The following NTM variants were observed in gnomAD, a reference collection of about 807,000 sequenced individuals.
The protein encoded by NTM is neurotrimin.
A neutral mutation model predicts 42.1 loss-of-function variants in NTM; 13 were observed. The observed-to-expected ratio is 0.31, with a 90% CI of 0.20 to 0.49. The LOEUF (loss-of-function observed/expected upper bound fraction) is 0.49. Ranked by LOEUF, NTM falls within the 20% of genes least tolerant of loss-of-function variation. NTM has a pLI of 0.99. For missense variants in NTM, 373 were observed against 452.8 expected, an observed-to-expected ratio of 0.82 and a Z score of 1.60; for synonymous variants, 187 against 179.2, an observed-to-expected ratio of 1.04 and a Z score of -0.35.
intron 4 of NTM, among the ~76,000 whole-genome samples, chr11:132,278,703 TCTC>T (rs891019134): frequency 5.3e-5 from 8 of 151,804 alleles, no homozygotes; most frequent in Admixed American, 4.6e-4. Flanking sequence ...GCTTTACAGT[TCTC>T]CTCCTTTGGA....
intron 1 of NTM, among the ~76,000 whole-genome samples, chr11:131,755,612 A>C (rs891485551): frequency 3.3e-5 from 5 of 152,214 alleles, no homozygotes; most frequent in Non-Finnish European, 5.9e-5. Context: ...CTGTATTTTT[A>C]TTTCCAAAAC....
At chr11:132,123,351 G>A (rs778395311) in intron 2 of NTM, among the ~76,000 whole-genome samples, 11 of 152,288 alleles carry the variant, frequency 7.2e-5, no homozygotes, top group African/African-American at 1.9e-4. Flanking sequence ...GTAAACCTAC[G>A]TGCTTTCTAC....
chr11:131,467,241 C>T (rs1271599588), intron 1 of NTM, among the ~76,000 whole-genome samples: 1 of 152,016 alleles, frequency 6.6e-6, no homozygotes, highest in Non-Finnish European at 1.5e-5. Flanking sequence ...GAGAGGGATC[C>T]CAGGAGGAAA....
Position 131,600,600 on chromosome 11 carries a change from C to G in NTM, c.82+229712C>G, listed in dbSNP as rs540568940. Among the ~76,000 whole-genome samples, 38 of 152,326 alleles carry G rather than the reference C, an allele frequency of 2.5e-4. No individual in the cohort carries two copies. The South Asian group carries it at 6.0e-3, about 24-fold the overall frequency. ...CAGCCATGCTATTGCTTTGCATTTA[C>G]CGTTCCTCTGCCAAAGAAATTTTAA... On this transcript the variant is annotated intron_variant, in intron 1 of 8. Transcript: ENST00000683400.
intron 1 of NTM, among the ~76,000 whole-genome samples, chr11:131,498,997 C>G (rs1322075075): frequency 3.3e-5 from 5 of 152,140 alleles, no homozygotes; most frequent in Admixed American, 6.5e-5. Flanking sequence ...GGCAGCATCA[C>G]TTGGCCAAGC....
At chr11:131,920,730 T>TA (rs1312828474) in intron 2 of NTM, among the ~76,000 whole-genome samples, 12 of 152,178 alleles carry the variant, frequency 7.9e-5, no homozygotes, top group Non-Finnish European at 1.5e-4. Flanking sequence ...GAACTAATCT[T>TA]ACAATCTTGC....
At chr11:131,687,148 C>G (rs577777248) in intron 1 of NTM, among the ~76,000 whole-genome samples, 6 of 152,216 alleles carry the variant, frequency 3.9e-5, no homozygotes, top group Non-Finnish European at 8.8e-5. Context: ...TCATGCAATG[C>G]TTCCCACTGC....
chr11:131,739,147 C>T (rs949832050), intron 1 of NTM, among the ~76,000 whole-genome samples: 2 of 152,014 alleles, frequency 1.3e-5, no homozygotes, highest in Admixed American at 1.3e-4. Context: ...AAAGTGTTAC[C>T]CTCTAAATCC....
chr11:131,987,566 G>A (rs1399212580), intron 2 of NTM, among the ~76,000 whole-genome samples: 1 of 152,156 alleles, frequency 6.6e-6, no homozygotes, highest in African/African-American at 2.4e-5. Flanking sequence ...GTGAGGAAAA[G>A]AACTGAAGAT....
chr11:132,172,842 T>C (rs377160190), intron 3 of NTM, among the ~76,000 whole-genome samples: 1 of 152,228 alleles, frequency 6.6e-6, no homozygotes, highest in East Asian at 1.9e-4. Flanking sequence ...TTTGTTTCGA[T>C]CGCTTTTGCC....
chr11:131,765,488 C>G (rs2084957269), intron 1 of NTM, among the ~76,000 whole-genome samples: 1 of 152,150 alleles, frequency 6.6e-6, no homozygotes, highest in African/African-American at 2.4e-5. Context: ...ATCTTATCCG[C>G]TTATGTATAA....
chr11:131,528,919 T>G (rs2050865672), intron 1 of NTM, among the ~76,000 whole-genome samples: 1 of 152,222 alleles, frequency 6.6e-6, no homozygotes, highest in African/African-American at 2.4e-5. Context: ...GTGTGTGTGT[T>G]TTGTATTTCC....
chr11:131,912,643 C>T (rs1198348959), intron 2 of NTM, among the ~76,000 whole-genome samples: 2 of 152,168 alleles, frequency 1.3e-5, no homozygotes, highest in Non-Finnish European at 2.9e-5. Context: ...GAACGATTTC[C>T]CTGCCTCTCC....
At chr11:131,411,566 T>TGTGTGC (rs1946424199) in intron 1 of NTM, among the ~76,000 whole-genome samples, 2 of 151,292 alleles carry the variant, frequency 1.3e-5, no homozygotes, top group East Asian at 2.0e-4. Flanking sequence ...TGTGTGTGTG[T>TGTGTGC]GTGTGTGTGT....
At chr11:132,118,828 G>A (rs1019539047) in intron 2 of NTM, among the ~76,000 whole-genome samples, 3 of 152,176 alleles carry the variant, frequency 2.0e-5, no homozygotes, top group Non-Finnish European at 4.4e-5. Context: ...AATGAAGTAA[G>A]TGAGGAGGTA....
intron 1 of NTM, among the ~76,000 whole-genome samples, chr11:131,561,648 G>A (rs2056240702): frequency 6.6e-6 from 1 of 152,116 alleles, no homozygotes; most frequent in African/African-American, 2.4e-5. Context: ...CTCCGCTGGG[G>A]GACAGGCAGG....
intron 1 of NTM, among the ~76,000 whole-genome samples, chr11:131,474,852 A>T (rs1362357474): frequency 1.3e-5 from 2 of 152,192 alleles, no homozygotes; most frequent in African/African-American, 4.8e-5. Flanking sequence ...CAATGTTTCC[A>T]AAATGTGGAG....
chr11:131,631,114 G>A (rs1218846475), intron 1 of NTM, among the ~76,000 whole-genome samples: 2 of 152,124 alleles, frequency 1.3e-5, no homozygotes, highest in African/African-American at 2.4e-5. Context: ...AGAAATACGT[G>A]GAATTCAGTA....
At chr11:131,588,622 C>T (rs1178193957) in intron 1 of NTM, among the ~76,000 whole-genome samples, 4 of 152,100 alleles carry the variant, frequency 2.6e-5, no homozygotes, top group Admixed American at 2.0e-4. Flanking sequence ...CCAAAACAGA[C>T]AATCAAAAGA....
Sources: gnomAD v4.1 joint callset for allele counts (sites outside exome capture counted in the v4.1 genomes callset) on GRCh38, gnomAD v4.1.1 for gene constraint, MANE v1.5 for transcripts, NCBI Gene and HGNC (gene_info 2026-07-23, HGNC 2026-07-21) for gene names.